Variants in SYNJ1 observed in about 807,000 individuals in gnomAD.
SYNJ1 encodes the protein polyphosphatidylinositol phosphatase SYNJ1.
SYNJ1 carries 78 observed loss-of-function variants against 168.2 expected under a neutral mutation model. The ratio of observed to expected loss-of-function variants is 0.46; its 90% CI spans 0.39 to 0.56. SYNJ1 has a LOEUF of 0.56. Ranked by LOEUF, SYNJ1 falls within the 20% of genes least tolerant of loss-of-function variation. The pLI is 0.00. For synonymous variants in SYNJ1, 539 were observed against 548.6 expected (o/e 0.98, Z 0.24); for missense variants, 1,303 against 1,597.6 (o/e 0.82, Z 3.14).
At chr21:32,662,480 G>T (rs1474140770) in intron 18 of SYNJ1, among the ~76,000 whole-genome samples, 1 of 152,150 alleles carries the variant, frequency 6.6e-6, no homozygotes, top group Non-Finnish European at 1.5e-5. Context: ...CCAGATGTGT[G>T]TTATGATCCC....
At chr21:32,714,350 A>G (rs2042946458) in intron 2 of SYNJ1, among the ~76,000 whole-genome samples, 1 of 152,222 alleles carries the variant, frequency 6.6e-6, no homozygotes, top group African/African-American at 2.4e-5. Context: ...CAGGGGATTA[A>G]TAAGATCTAA....
At chr21:32,695,385 A>ATTTTCC in intron 4 of SYNJ1, 103 bp from the exon 5 acceptor site, 1 of 1,114,142 alleles carries the variant, frequency 9.0e-7, no homozygotes, top group Non-Finnish European at 1.2e-6. Flanking sequence ...TATTAAATTT[A>ATTTTCC]AAGGCACAAA....
chr21:32,682,216 T>C (rs1181778778), intron 10 of SYNJ1, among the ~76,000 whole-genome samples: 1 of 152,096 alleles, frequency 6.6e-6, no homozygotes, highest in African/African-American at 2.4e-5. Flanking sequence ...ATGCAAGAAA[T>C]TCAAGGACCT....
At chr21:32,652,551 A>C (rs16989637) in intron 22 of SYNJ1, among the ~76,000 whole-genome samples, 148 of 152,334 alleles carry the variant, frequency 9.7e-4, no homozygotes, top group African/African-American at 2.8e-3. Flanking sequence ...GTGACAGAAG[A>C]AGCAGCTCAG....
chr21:32,684,585 ACT>A (rs937060645), intron 9 of SYNJ1, among the ~76,000 whole-genome samples: 19 of 152,336 alleles, frequency 1.2e-4, no homozygotes, highest in African/African-American at 4.6e-4. Flanking sequence ...TCTGAACTTA[ACT>A]CTCTTAACAT....
chr21:32,676,300 TTTTA>T, intron 13 of SYNJ1, 28 bp downstream of exon 13: 5 of 1,528,190 alleles, frequency 3.3e-6, no homozygotes, highest in Non-Finnish European at 4.4e-6. Flanking sequence ...AAAAAATTGC[TTTTA>T]TTTATAGATT....
intron 3 of SYNJ1, among the ~76,000 whole-genome samples, chr21:32,701,735 A>G (rs2042409990): frequency 6.6e-6 from 1 of 152,152 alleles, no homozygotes; most frequent in Non-Finnish European, 1.5e-5. Flanking sequence ...TGGTCAAACC[A>G]GAGACTGTCT....
At chr21:32,665,251 A>C (rs1468457108) in intron 17 of SYNJ1, among the ~76,000 whole-genome samples, 180 bp from the exon 18 acceptor site, 1 of 152,252 alleles carries the variant, frequency 6.6e-6, no homozygotes, top group African/African-American at 2.4e-5. Flanking sequence ...AAGCCCAGAG[A>C]AAAATCAAGC....
At chr21:32,668,117 T>G (rs752251657) in intron 15 of SYNJ1, among the ~76,000 whole-genome samples, 1 of 150,888 alleles carries the variant, frequency 6.6e-6, no homozygotes, top group African/African-American at 2.4e-5. Context: ...CAGGCCGGAG[T>G]GCGGTGGTGC....
At chr21:32,705,575 G>A (rs1313866424) in intron 2 of SYNJ1, among the ~76,000 whole-genome samples, 6 of 152,036 alleles carry the variant, frequency 3.9e-5, no homozygotes, top group South Asian at 4.1e-4. Flanking sequence ...TAAGAGTAAT[G>A]GGTTATAAGC....
intron 2 of SYNJ1, among the ~76,000 whole-genome samples, chr21:32,709,417 T>A (rs1348787390): frequency 7.5e-6 from 1 of 133,510 alleles, no homozygotes; most frequent in Admixed American, 9.3e-5. Context: ...GCGGAGGTAG[T>A]AGTGAGCCAA....
At chr21:32,675,187 A>G (rs994176677) in intron 13 of SYNJ1, among the ~76,000 whole-genome samples, 5 of 152,224 alleles carry the variant, frequency 3.3e-5, no homozygotes, top group African/African-American at 7.2e-5. Flanking sequence ...AATCCATTCT[A>G]TATCAACACA....
rs748917955 is a variant in SYNJ1, at chr21:32,641,933, G to A, written c.3551C>T (p.Ala1184Val). The A allele has an allele frequency of 1.9e-6, 3 of 1,613,822 alleles. 1 individual carries two copies. The South Asian group carries it at 3.3e-5, about 18-fold the overall frequency. ...ACTGTATCCAGCAGGTCCTGGGCCT[G>A]CAAGTCCTGCTTGAGGTGAAGGCTG... ...RSQPSPQAGLAGPGPAGYSTA... is the reference protein window; with the variant it reads ...RSQPSPQAGLVGPGPAGYSTA... Residue 1184 changes from alanine to valine, a missense_variant, in exon 29 of 33, where the codon GCA becomes GTA. By Grantham distance (64) the Ala-to-Val change is moderately conservative. Coordinates refer to ENST00000674351, the MANE Select transcript of SYNJ1 (RefSeq NM_203446.3).
chr21:32,634,708 G>T (rs2039485351), intron 32 of SYNJ1, among the ~76,000 whole-genome samples, 153 bp downstream of exon 32: 2 of 152,048 alleles, frequency 1.3e-5, no homozygotes, highest in African/African-American at 4.8e-5. Flanking sequence ...CTAAGAAAAA[G>T]AAAAAGCAGG....
chr21:32,644,916 TA>T, intron 26 of SYNJ1, 51 bp downstream of exon 26: 1 of 1,573,674 alleles, frequency 6.4e-7, no homozygotes, highest in South Asian at 1.2e-5. Flanking sequence ...CTTTCAGGTG[TA>T]AAACATTAAT....
At chr21:32,675,487 T>C (rs2041371026) in intron 13 of SYNJ1, among the ~76,000 whole-genome samples, 1 of 152,152 alleles carries the variant, frequency 6.6e-6, no homozygotes, top group Non-Finnish European at 1.5e-5. Context: ...GAAAATGGTG[T>C]TCATTATATA....
chr21:32,666,731 T>A (rs1247839913), intron 15 of SYNJ1, among the ~76,000 whole-genome samples, 158 bp from the exon 16 acceptor site: 1 of 152,188 alleles, frequency 6.6e-6, no homozygotes, highest in Non-Finnish European at 1.5e-5. Flanking sequence ...AATCTACAAT[T>A]TAGCCAAAAG....
At chr21:32,715,098 C>G (rs1309362107) in intron 2 of SYNJ1, among the ~76,000 whole-genome samples, 4 of 152,082 alleles carry the variant, frequency 2.6e-5, no homozygotes. Context: ...CCAATGCTAA[C>G]CAAGGAAAGA....
chr21:32,709,158 G>A (rs543410273), intron 2 of SYNJ1, among the ~76,000 whole-genome samples: 3 of 152,180 alleles, frequency 2.0e-5, no homozygotes, highest in East Asian at 3.9e-4. Flanking sequence ...GATCCAACAC[G>A]CTTTTAGACA....
Sources: allele counts gnomAD v4.1 joint callset (sites outside exome capture counted in the v4.1 genomes callset), GRCh38; gene constraint gnomAD v4.1.1; transcripts MANE v1.5; gene names NCBI Gene and HGNC (gene_info 2026-07-23, HGNC 2026-07-21).